Variants in ZNF521 observed in about 807,000 individuals in gnomAD.
ZNF521 encodes the protein LYST-interacting protein 3.
A neutral mutation model predicts 105.5 loss-of-function variants in ZNF521; 14 were observed. That is an observed-to-expected ratio of 0.13 (90% CI 0.09 to 0.21). The LOEUF is 0.21. Among genes scored for constraint, ZNF521 ranks in the 10% least tolerant of loss-of-function variants. The probability of loss-of-function intolerance (pLI) is 1.00; values close to 1 mark genes in which losing one functional copy is unlikely to be tolerated. For synonymous variants in ZNF521, 635 were observed against 606.0 expected, an observed-to-expected ratio of 1.05 and a Z score of -0.70; for missense variants, 1,233 against 1,629.7, an observed-to-expected ratio of 0.76 and a Z score of 4.19.
At chr18:25,120,823 CCTT>C (rs1213489418) in intron 5 of ZNF521, among the ~76,000 whole-genome samples, 1 of 152,078 alleles carries the variant, frequency 6.6e-6, no homozygotes, top group African/African-American at 2.4e-5. Context: ...ACCTTGGCTC[CCTT>C]CTTCTCACTT....
At chr18:25,124,803 G>C (rs1040156157) in intron 5 of ZNF521, among the ~76,000 whole-genome samples, 4 of 152,150 alleles carry the variant, frequency 2.6e-5, no homozygotes, top group African/African-American at 9.6e-5. Context: ...TCCTCTAACA[G>C]TGTTGATACA....
chr18:25,167,760 C>T (rs747443091), intron 5 of ZNF521, among the ~76,000 whole-genome samples: 15 of 152,176 alleles, frequency 9.9e-5, no homozygotes, highest in South Asian at 2.1e-4. Flanking sequence ...GCTTTGTGCC[C>T]CATCTGTCAA....
At chr18:25,126,067 T>C (rs1464107976) in intron 5 of ZNF521, among the ~76,000 whole-genome samples, 2 of 152,080 alleles carry the variant, frequency 1.3e-5, no homozygotes, top group African/African-American at 4.8e-5. Context: ...AGAAACTGGA[T>C]AGACTCCTCT....
intron 4 of ZNF521, among the ~76,000 whole-genome samples, chr18:25,200,156 C>T (rs1189403959): frequency 6.6e-6 from 1 of 152,042 alleles, no homozygotes; most frequent in Admixed American, 6.6e-5. Context: ...GGTAAATTTA[C>T]AATTACATTT....
At chr18:25,075,356 T>G (rs1300221608) in intron 7 of ZNF521, among the ~76,000 whole-genome samples, 1 of 152,186 alleles carries the variant, frequency 6.6e-6, no homozygotes, top group Non-Finnish European at 1.5e-5. Flanking sequence ...CCCAGAGAGT[T>G]GTTAGCTCAG....
chr18:25,308,648 ATC>A (rs1491382627), intron 3 of ZNF521, among the ~76,000 whole-genome samples: 22,158 of 114,498 alleles, frequency 0.19, 1,596 homozygotes, highest in East Asian at 0.28. Context: ...CCTTAATGAC[ATC>A]CCCCCCCCCC....
intron 3 of ZNF521, among the ~76,000 whole-genome samples, chr18:25,309,831 A>C (rs952807539): frequency 1.3e-5 from 2 of 152,220 alleles, no homozygotes; most frequent in African/African-American, 4.8e-5. Context: ...AAAAATATAC[A>C]CTTTAAATAA....
intron 5 of ZNF521, among the ~76,000 whole-genome samples, chr18:25,147,876 T>C (rs772287031): frequency 1.3e-5 from 2 of 152,210 alleles, no homozygotes; most frequent in Non-Finnish European, 1.5e-5. Flanking sequence ...TGCTTTATTC[T>C]GACTACTACA....
intron 5 of ZNF521, among the ~76,000 whole-genome samples, chr18:25,096,210 A>C (rs1172100517): frequency 6.6e-6 from 1 of 152,228 alleles, no homozygotes; most frequent in Non-Finnish European, 1.5e-5. Flanking sequence ...AATGTTTCAA[A>C]GGAAAGCGTC....
At chr18:25,167,788 G>T (rs948113416) in intron 5 of ZNF521, among the ~76,000 whole-genome samples, 1 of 152,150 alleles carries the variant, frequency 6.6e-6, no homozygotes, top group Non-Finnish European at 1.5e-5. Context: ...TGTCTGAACG[G>T]AGAGAAAGCA....
At chr18:25,311,367 G>A (rs1912294899) in intron 3 of ZNF521, among the ~76,000 whole-genome samples, 1 of 140,010 alleles carries the variant, frequency 7.1e-6, no homozygotes. Flanking sequence ...AAAACAACAT[G>A]AGTCAAGCAA....
At chr18:25,268,197 A>G (rs1909403165) in intron 3 of ZNF521, among the ~76,000 whole-genome samples, 1 of 152,230 alleles carries the variant, frequency 6.6e-6, no homozygotes, top group East Asian at 1.9e-4. Flanking sequence ...TTGAAGATCA[A>G]CTTGATGAAA....
At chr18:25,136,557 T>C (rs2034737593) in intron 5 of ZNF521, among the ~76,000 whole-genome samples, 1 of 151,976 alleles carries the variant, frequency 6.6e-6, no homozygotes, top group Non-Finnish European at 1.5e-5. Flanking sequence ...GAAGGAGAGG[T>C]TCAGGTTGAG....
intron 4 of ZNF521, among the ~76,000 whole-genome samples, chr18:25,213,103 T>C (rs1489073266): frequency 6.6e-6 from 1 of 150,818 alleles, no homozygotes; most frequent in East Asian, 1.9e-4. Context: ...ATAGTAATTT[T>C]AGTTATAAAA....
At position 25,166,445 on chromosome 18, in the gene ZNF521, C is replaced by A. The variant is rs191907896; in HGVS notation, c.3658+28715G>T. On this transcript the variant is annotated intron_variant, in intron 5 of 7. Transcript: ENST00000361524. ...AAACAAGATTCTTGTTATCATTTTGCCATAGGATATATTTCTGGTTCTAGA... is the reference window on the plus strand; with the variant it reads ...AAACAAGATTCTTGTTATCATTTTGACATAGGATATATTTCTGGTTCTAGA... Among the ~76,000 whole-genome samples the A allele has an allele frequency of 1.4e-4, 22 of 152,034 alleles. No homozygotes were observed. The East Asian group carries it at 4.1e-3, about 28-fold the overall frequency.
At chr18:25,087,413 C>T (rs1599995783) in intron 7 of ZNF521, among the ~76,000 whole-genome samples, 1 of 152,290 alleles carries the variant, frequency 6.6e-6, no homozygotes, top group East Asian at 1.9e-4. Context: ...TAATGAAAGA[C>T]ATTGATGGTA....
intron 7 of ZNF521, among the ~76,000 whole-genome samples, chr18:25,065,649 C>A (rs1344563043): frequency 4.0e-5 from 6 of 149,662 alleles, no homozygotes; most frequent in African/African-American, 7.4e-5. Flanking sequence ...AAAAAAAAAA[C>A]AGTTTAATTA....
In ZNF521 at chr18:25,259,498, T is replaced by G. The variant is rs1908757440; in HGVS notation, c.221-31801A>C. ...GGATCAGATTAGTTCATCTCCAAAG[T>G]AGTTGGAGAGGGCACCACGGGCGTA... is the stretch of plus-strand genomic sequence containing the variant. On this transcript the variant is annotated intron_variant, in intron 3 of 7. Coordinates refer to ENST00000361524, the MANE Select transcript of ZNF521 (RefSeq NM_015461.3). Among the ~76,000 whole-genome samples, 3 of 151,880 alleles carry G rather than the reference T, an allele frequency of 2.0e-5. No individual in the cohort carries two copies. The South Asian group carries it at 6.2e-4, about 32-fold the overall frequency.
chr18:25,180,087 CT>C (rs1280950808), intron 5 of ZNF521, among the ~76,000 whole-genome samples: 1 of 152,184 alleles, frequency 6.6e-6, no homozygotes, highest in Non-Finnish European at 1.5e-5. Flanking sequence ...GTTAAAAAAA[CT>C]TTTTCGTTTA....
Sources: allele counts gnomAD v4.1 joint callset (sites outside exome capture counted in the v4.1 genomes callset), GRCh38; gene constraint gnomAD v4.1.1; transcripts MANE v1.5; gene names NCBI Gene and HGNC (gene_info 2026-07-23, HGNC 2026-07-21).